Variants in MLF1 observed in about 807,000 individuals in gnomAD.
MLF1 encodes the protein myeloid leukemia factor 1.
In MLF1, 37 loss-of-function variants were observed where a neutral mutation model predicts 38.3. The ratio of observed to expected loss-of-function variants is 0.96; its 90% CI spans 0.74 to 1.27. The LOEUF (loss-of-function observed/expected upper bound fraction) is 1.27. MLF1 is among the 50% of genes most tolerant of loss of function. The pLI, the probability that MLF1 is intolerant of heterozygous loss-of-function variation, is 0.00. For synonymous variants in MLF1, 95 were observed against 106.5 expected (o/e 0.89, Z 0.66); for missense variants, 331 against 349.2 (o/e 0.95, Z 0.42).
intron 1 of MLF1, among the ~76,000 whole-genome samples, chr3:158,574,505 TAA>T (rs758915813): frequency 1.1e-5 from 1 of 91,392 alleles, no homozygotes; most frequent in Non-Finnish European, 2.0e-5. Context: ...CCATCTGTAC[TAA>T]AAAAAAAAAA....
intron 2 of MLF1, 69 bp from the exon 3 acceptor site, chr3:158,593,308 CATTTA>C: frequency 8.5e-7 from 1 of 1,175,472 alleles, no homozygotes; most frequent in Non-Finnish European, 1.2e-6. Context: ...ATTCAGTAAA[CATTTA>C]ATTGGTAAAT....
chr3:158,603,870 T>A (rs924844422), intron 7 of MLF1, among the ~76,000 whole-genome samples: 4 of 152,094 alleles, frequency 2.6e-5, no homozygotes, highest in Non-Finnish European at 5.9e-5. Flanking sequence ...ATAGAGTTTT[T>A]AAATACATTT....
In MLF1 at chr3:158,596,932, TAGAA is replaced by T. The variant is rs1560108981; in HGVS notation, c.317_320del (p.Arg106ThrfsTer20). On this transcript the variant is annotated frameshift_variant, in exon 4 of 8. Coordinates refer to ENST00000466246, the MANE Select transcript of MLF1 (RefSeq NM_001369783.1). LOFTEE classifies it high-confidence loss of function. ...AATATGAGAAACTATATGCAGAAAT[TAGAA>T]AGAAACTTCGTAAGTACTAAAAACA... The T allele has an allele frequency of 5.6e-6, 9 of 1,603,780 alleles. No individual in the cohort carries two copies. The highest frequency in any genetic ancestry group is 7.7e-6 in the Non-Finnish European group (9 of 1,172,678).
In MLF1 at chr3:158,571,288, A is replaced by G. The variant is rs1012679625; in HGVS notation, c.-13A>G. On this transcript the variant is annotated 5_prime_UTR_variant, in exon 1 of 8. Transcript: ENST00000466246. Reference sequence around the variant, plus strand: ...ATCTGTCCGCGGCTGCCGCCACCCAAGACAGAGCCAGAATGTTCAGGATGC... The same window carrying G: ...ATCTGTCCGCGGCTGCCGCCACCCAGGACAGAGCCAGAATGTTCAGGATGC... 10 of 1,609,154 alleles carry G rather than the reference A, an allele frequency of 6.2e-6. No individual in the cohort carries two copies. In the African/African-American group the frequency reaches 1.2e-4, roughly 19 times the overall value.
intron 1 of MLF1, among the ~76,000 whole-genome samples, chr3:158,592,125 T>A (rs896814828): frequency 6.6e-6 from 1 of 152,302 alleles, no homozygotes; most frequent in Middle Eastern, 3.4e-3. Context: ...TATTGAATAC[T>A]ATACTGAAAG....
At chr3:158,595,480 A>G (rs1167479246) in intron 3 of MLF1, among the ~76,000 whole-genome samples, 1 of 152,134 alleles carries the variant, frequency 6.6e-6, no homozygotes, top group African/African-American at 2.4e-5. Flanking sequence ...CCAAATGTCT[A>G]ATCTTTTCCT....
chr3:158,579,046 A>G (rs1056596372), intron 1 of MLF1, among the ~76,000 whole-genome samples: 1 of 152,142 alleles, frequency 6.6e-6, no homozygotes, highest in African/African-American at 2.4e-5. Context: ...TACAAAGCAT[A>G]TTTCTCACAT....
intron 1 of MLF1, among the ~76,000 whole-genome samples, chr3:158,576,671 A>AT (rs11341425): frequency 0.34 from 45,238 of 132,616 alleles, 8,196 homozygotes; most frequent in East Asian, 0.65. Flanking sequence ...GTCAACCTTA[A>AT]TTTTTTTTTT....
intron 1 of MLF1, chr3:158,591,151 G>C (rs972778340): frequency 4.1e-6 from 2 of 483,082 alleles, no homozygotes; most frequent in African/African-American, 2.1e-5. Flanking sequence ...GAGTTGCAAG[G>C]AAAATTTCTT....
chr3:158,596,581 G>A (rs1560108570), intron 3 of MLF1, among the ~76,000 whole-genome samples: 1 of 152,088 alleles, frequency 6.6e-6, no homozygotes, highest in Admixed American at 6.6e-5. Flanking sequence ...GAGTGATTAG[G>A]TGTGTATGTG....
At chr3:158,588,748 T>G in intron 1 of MLF1, 1 of 366,146 alleles carries the variant, frequency 2.7e-6, no homozygotes, top group Non-Finnish European at 5.4e-6. Flanking sequence ...AAACAGATAT[T>G]TATAGATATT....
rs141080341 is a variant in MLF1, at chr3:158,601,713, C to G, written c.614-1094C>G. On this transcript the variant is annotated intron_variant, in intron 6 of 7. Coordinates refer to ENST00000466246, the MANE Select transcript of MLF1 (RefSeq NM_001369783.1). ...CAGAGGTTGCAGTGAGCCAAGATCACGCATTGCACTCCAGCCTGGGCAAAA... is the reference window on the plus strand; with the variant it reads ...CAGAGGTTGCAGTGAGCCAAGATCAGGCATTGCACTCCAGCCTGGGCAAAA... 4.5e-3 allele frequency among the ~76,000 whole-genome samples: 681 copies of G among 149,958 alleles called. 3 individuals are homozygous for G. Among genetic ancestry groups the G allele is most frequent in the Non-Finnish European group, 8.0e-3 (541 of 67,580 alleles).
rs1247696902 is a variant in MLF1 at position 158,596,863 on chromosome 3, A to G, written c.242A>G (p.His81Arg). The G allele has an allele frequency of 6.9e-6, 11 of 1,599,692 alleles. No homozygotes were observed. The highest frequency in any genetic ancestry group is 7.7e-6 in the Non-Finnish European group (9 of 1,168,670). ...AACATACTTCCTGATATTCTGTAGC[A>G]TACAGATGTCAGCTCTTTCCAGACA... is the stretch of plus-strand genomic sequence containing the variant. ...LVPFGDFGGMHTDVSSFQTMD... is the reference protein window; with the variant it reads ...LVPFGDFGGMRTDVSSFQTMD... Residue 81 changes from histidine (H) to arginine (R), a missense_variant and splice_region_variant, in exon 4 of 8, where the codon CAT becomes CGT. His to Arg is a conservative substitution (Grantham distance 29). Coordinates refer to ENST00000466246, the MANE Select transcript of MLF1 (RefSeq NM_001369783.1).
intron 1 of MLF1, among the ~76,000 whole-genome samples, chr3:158,573,897 C>T (rs888850102): frequency 9.9e-5 from 15 of 152,162 alleles, no homozygotes; most frequent in Non-Finnish European, 2.1e-4. Flanking sequence ...CTCTGCCTCC[C>T]AGGCTCAAGC....
At chr3:158,577,643 G>A (rs1318614208) in intron 1 of MLF1, among the ~76,000 whole-genome samples, 1 of 152,140 alleles carries the variant, frequency 6.6e-6, no homozygotes, top group African/African-American at 2.4e-5. Flanking sequence ...GACACTGTAA[G>A]CCTTGTGCTG....
intron 6 of MLF1, among the ~76,000 whole-genome samples, chr3:158,600,708 T>TA (rs1480372656): frequency 6.6e-6 from 1 of 151,486 alleles, no homozygotes; most frequent in Admixed American, 6.6e-5. Flanking sequence ...GTGGTTACCT[T>TA]AAAGTTTTAT....
intron 1 of MLF1, among the ~76,000 whole-genome samples, chr3:158,591,854 T>A (rs78962953): frequency 6.6e-5 from 10 of 150,808 alleles, no homozygotes; most frequent in Admixed American, 6.6e-4. Context: ...ATGTTTTTTT[T>A]ATTATGCATT....
chr3:158,596,378 A>G (rs951990066), intron 3 of MLF1, among the ~76,000 whole-genome samples: 4 of 152,118 alleles, frequency 2.6e-5, no homozygotes, highest in African/African-American at 9.7e-5. Context: ...AAGGCTGGCT[A>G]CTTACTCGAG....
intron 3 of MLF1, among the ~76,000 whole-genome samples, chr3:158,594,878 T>C (rs16829122): frequency 0.14 from 21,800 of 152,094 alleles, 1,820 homozygotes; most frequent in South Asian, 0.22. Context: ...TAGTTTTGGA[T>C]GTTTGGCATT....
Sources: gnomAD v4.1 joint callset for allele counts (sites outside exome capture counted in the v4.1 genomes callset) on GRCh38, gnomAD v4.1.1 for gene constraint, MANE v1.5 for transcripts, NCBI Gene and HGNC (gene_info 2026-07-23, HGNC 2026-07-21) for gene names.